Variants in IL1RAPL2 observed in about 807,000 individuals in gnomAD.
IL1RAPL2 encodes interleukin 1 receptor accessory protein like 2.
Under a neutral mutation model 44.1 loss-of-function variants are expected in IL1RAPL2, and 3 were observed. That is an observed-to-expected ratio of 0.07 (90% CI 0.03 to 0.18). The LOEUF (loss-of-function observed/expected upper bound fraction) is 0.18. Among genes scored for constraint, IL1RAPL2 ranks in the 10% least tolerant of loss-of-function variants. IL1RAPL2 has a pLI of 1.00. For missense variants in IL1RAPL2, 391 were observed against 496.4 expected (o/e 0.79, Z 2.02); for synonymous variants, 181 against 178.8 (o/e 1.01, Z -0.10).
intron 2 of IL1RAPL2, among the ~76,000 whole-genome samples, chrX:105,022,557 C>T (rs982140166): frequency 9.0e-6 from 1 of 110,923 alleles, no homozygotes; most frequent in African/African-American, 3.3e-5. Flanking sequence ...TCTTGGATAT[C>T]CCAGGCTCCT....
intron 4 of IL1RAPL2, among the ~76,000 whole-genome samples, chrX:105,245,547 C>T (rs1450171899): frequency 8.9e-6 from 1 of 112,454 alleles, no homozygotes. Flanking sequence ...GAAGGTTCTT[C>T]TGACACTATA....
In IL1RAPL2 at chrX:104,990,840, A is replaced by G. The variant is rs776048408; in HGVS notation, c.83-204635A>G. Among the ~76,000 whole-genome samples, 3 of 111,767 alleles carry G rather than the reference A, an allele frequency of 2.7e-5. No individual in the cohort carries two copies. In the South Asian group the frequency reaches 1.1e-3, roughly 42 times the overall value. ...TATTCCAGATGGAACCTACTCCTGA[A>G]GATGTTTAAACACTTTTTTATAGAA... is the stretch of plus-strand genomic sequence containing the variant. On this transcript the variant is annotated intron_variant, in intron 2 of 10. Transcript: ENST00000372582.
intron 9 of IL1RAPL2, among the ~76,000 whole-genome samples, chrX:105,750,707 C>T (rs1417095096): frequency 9.1e-6 from 1 of 109,711 alleles, no homozygotes; most frequent in Non-Finnish European, 1.9e-5. Context: ...GTACTACAGA[C>T]TCTTATTCAG....
intron 6 of IL1RAPL2, among the ~76,000 whole-genome samples, chrX:105,577,902 T>TTAAG (rs893171295): frequency 9.0e-5 from 10 of 110,941 alleles, no homozygotes; most frequent in African/African-American, 3.3e-4. Context: ...TTATTATACT[T>TTAAG]TAAGTTTTAG....
At chrX:105,042,414 G>A (rs1176610911) in intron 2 of IL1RAPL2, among the ~76,000 whole-genome samples, 49 of 109,537 alleles carry the variant, frequency 4.5e-4, no homozygotes, top group East Asian at 8.6e-4. Context: ...ACAAGTGGGC[G>A]AAGGATATGA....
chrX:104,651,735 TA>T (rs1930156399), intron 1 of IL1RAPL2, among the ~76,000 whole-genome samples: 1 of 111,286 alleles, frequency 9.0e-6, no homozygotes, highest in Non-Finnish European at 1.9e-5. Flanking sequence ...TGGCGTTATA[TA>T]AGTTCTAAAT....
intron 1 of IL1RAPL2, among the ~76,000 whole-genome samples, chrX:104,604,817 A>T (rs776585635): frequency 9.0e-6 from 1 of 110,864 alleles, no homozygotes; most frequent in Non-Finnish European, 1.9e-5. Context: ...CAGATTCATG[A>T]AGCAAGTTCT....
chrX:104,945,911 G>A (rs1401301711), intron 2 of IL1RAPL2, among the ~76,000 whole-genome samples: 1 of 109,453 alleles, frequency 9.1e-6, no homozygotes, highest in Admixed American at 9.8e-5. Flanking sequence ...TGTTGCCTTA[G>A]GTTGGAATCA....
intron 5 of IL1RAPL2, among the ~76,000 whole-genome samples, chrX:105,471,198 A>C (rs989292284): frequency 1.8e-5 from 2 of 111,670 alleles, no homozygotes; most frequent in African/African-American, 6.5e-5. Flanking sequence ...ATCCTAAAAA[A>C]TGGGTACTAT....
intron 2 of IL1RAPL2, among the ~76,000 whole-genome samples, chrX:104,837,826 G>A (rs1385095206): frequency 8.9e-6 from 1 of 111,867 alleles, no homozygotes; most frequent in East Asian, 2.8e-4. Context: ...GAATGGTATT[G>A]CCTAGGTTTT....
intron 2 of IL1RAPL2, among the ~76,000 whole-genome samples, chrX:105,168,414 G>GGT (rs57882187): frequency 0.085 from 7,625 of 89,251 alleles, 969 homozygotes; most frequent in African/African-American, 0.31. Flanking sequence ...AACCATAGGA[G>GGT]GTGTGTGTGT....
chrX:105,446,556 CTG>C (rs1468805034), intron 5 of IL1RAPL2, among the ~76,000 whole-genome samples: 8 of 110,152 alleles, frequency 7.3e-5, no homozygotes, highest in African/African-American at 2.0e-4. Context: ...TTTTGTGTAT[CTG>C]TTGTATGTTT....
At chrX:104,670,199 C>G (rs987347407) in intron 2 of IL1RAPL2, among the ~76,000 whole-genome samples, 3 of 111,217 alleles carry the variant, frequency 2.7e-5, no homozygotes, top group African/African-American at 9.8e-5. Context: ...GCCAACAGTG[C>G]GGCCTTCAGT....
At chrX:105,588,186 T>C (rs2037142977) in intron 6 of IL1RAPL2, among the ~76,000 whole-genome samples, 1 of 111,267 alleles carries the variant, frequency 9.0e-6, no homozygotes, top group African/African-American at 3.3e-5. Flanking sequence ...GTATCAATGT[T>C]AATATCCTTG....
intron 2 of IL1RAPL2, among the ~76,000 whole-genome samples, chrX:104,906,778 G>T (rs1159708204): frequency 5.4e-5 from 6 of 111,652 alleles, no homozygotes; most frequent in Non-Finnish European, 9.4e-5. Flanking sequence ...TTTTTTGGTT[G>T]TGTCTCTGCC....
intron 5 of IL1RAPL2, among the ~76,000 whole-genome samples, chrX:105,366,613 G>A: frequency 9.0e-6 from 1 of 111,148 alleles, no homozygotes; most frequent in East Asian, 2.8e-4. Flanking sequence ...TTGTTCAGAA[G>A]TATGTTGTCT....
chrX:104,606,878 A>G (rs1929026268), intron 1 of IL1RAPL2, among the ~76,000 whole-genome samples: 1 of 111,991 alleles, frequency 8.9e-6, no homozygotes, highest in African/African-American at 3.2e-5. Context: ...ATAGAATTGG[A>G]AAAAAACTAC....
At chrX:105,035,658 CA>C (rs1370343061) in intron 2 of IL1RAPL2, among the ~76,000 whole-genome samples, 1 of 112,249 alleles carries the variant, frequency 8.9e-6, no homozygotes, top group African/African-American at 3.2e-5. Context: ...TTCATTAAAA[CA>C]AATAATCCAA....
chrX:105,074,274 C>T (rs2032255034), intron 2 of IL1RAPL2, among the ~76,000 whole-genome samples: 1 of 111,748 alleles, frequency 8.9e-6, no homozygotes, highest in African/African-American at 3.3e-5. Context: ...AGCCCGTTTT[C>T]CCAGCACCAT....
Sources: allele counts gnomAD v4.1 joint callset (sites outside exome capture counted in the v4.1 genomes callset), GRCh38; gene constraint gnomAD v4.1.1; transcripts MANE v1.5; gene names NCBI Gene and HGNC (gene_info 2026-07-23, HGNC 2026-07-21).